Variants in NR5A2 observed in about 807,000 individuals in gnomAD.
NR5A2 encodes CYP7A promoter-binding factor.
Under a neutral mutation model 62.7 loss-of-function variants are expected in NR5A2, and 26 were observed. The ratio of observed to expected loss-of-function variants is 0.41; its 90% CI spans 0.30 to 0.58. NR5A2 has a LOEUF of 0.58. NR5A2 is among the 20% of genes least tolerant of loss of function. NR5A2 has a pLI of 0.22. For synonymous variants in NR5A2, 246 were observed against 241.7 expected, an observed-to-expected ratio of 1.02 and a Z score of -0.16; for missense variants, 541 against 669.1, an observed-to-expected ratio of 0.81 and a Z score of 2.11.
At chr1:200,140,795 C>G (rs929589540) in intron 7 of NR5A2, among the ~76,000 whole-genome samples, 4 of 152,170 alleles carry the variant, frequency 2.6e-5, no homozygotes, top group African/African-American at 9.7e-5. Context: ...CTTTGGGAGG[C>G]CAAGGTGCAT....
At position 200,135,345 on chromosome 1, in the gene NR5A2, A is replaced by AC. The variant is rs200649400; in HGVS notation, c.1378+14394dup. Among the ~76,000 whole-genome samples the AC allele has an allele frequency of 6.8e-3, 1,039 of 152,140 alleles. 47 individuals are homozygous for AC. Among genetic ancestry groups the AC allele is most frequent in the Admixed American group, 0.059 (905 of 15,264 alleles). On this transcript the variant is annotated intron_variant, in intron 7 of 7. Coordinates refer to ENST00000367362, the MANE Select transcript of NR5A2 (RefSeq NM_205860.3). Reference sequence around the variant, plus strand: ...AGACCAGCCTAGCCAACATGGTGAAACCCCGTCTCTACTAAAAATACAAAA... The same window carrying AC: ...AGACCAGCCTAGCCAACATGGTGAAACCCCCGTCTCTACTAAAAATACAAAA...
At chr1:200,083,527 T>A (rs1222668820) in intron 5 of NR5A2, among the ~76,000 whole-genome samples, 1 of 152,226 alleles carries the variant, frequency 6.6e-6, no homozygotes, top group Non-Finnish European at 1.5e-5. Flanking sequence ...GCCTCCTCAT[T>A]GTCATTAGAT....
intron 5 of NR5A2, among the ~76,000 whole-genome samples, chr1:200,050,162 G>A (rs927121426): frequency 1.3e-5 from 2 of 152,192 alleles, no homozygotes; most frequent in African/African-American, 4.8e-5. Context: ...GTTAGGGTTT[G>A]TAACCACTCT....
chr1:200,088,440 AG>A (rs1211105976), intron 5 of NR5A2, among the ~76,000 whole-genome samples: 1 of 151,394 alleles, frequency 6.6e-6, no homozygotes, highest in Non-Finnish European at 1.5e-5. Flanking sequence ...TATTTTTAGT[AG>A]TGACAGGGTT....
At chr1:200,090,794 A>G (rs555793385) in intron 5 of NR5A2, among the ~76,000 whole-genome samples, 32 of 152,136 alleles carry the variant, frequency 2.1e-4, no homozygotes, top group Admixed American at 9.8e-4. Context: ...GACAGCACAG[A>G]TGTCTCTAGG....
intron 5 of NR5A2, among the ~76,000 whole-genome samples, chr1:200,088,028 C>T (rs992317671): frequency 4.6e-5 from 7 of 151,864 alleles, no homozygotes; most frequent in South Asian, 2.1e-4. Flanking sequence ...TGGGATTACA[C>T]GTATGAACCA....
chr1:200,058,604 C>T (rs2102189571), intron 5 of NR5A2, among the ~76,000 whole-genome samples: 1 of 151,818 alleles, frequency 6.6e-6, no homozygotes, highest in East Asian at 2.0e-4. Context: ...CGTCAACCTC[C>T]CGAGTAGCTG....
chr1:200,096,467 G>A (rs1217831836), intron 5 of NR5A2, among the ~76,000 whole-genome samples: 1 of 152,182 alleles, frequency 6.6e-6, no homozygotes, highest in Non-Finnish European at 1.5e-5. Context: ...TGGTATGTAT[G>A]TATGACTGAT....
At chr1:200,152,379 G>A (rs1228226001) in intron 7 of NR5A2, among the ~76,000 whole-genome samples, 1 of 152,090 alleles carries the variant, frequency 6.6e-6, no homozygotes, top group Non-Finnish European at 1.5e-5. Context: ...ATATGTTACT[G>A]TTATGATCCA....
intron 5 of NR5A2, among the ~76,000 whole-genome samples, chr1:200,064,132 G>A (rs988595897): frequency 1.3e-5 from 2 of 150,452 alleles, no homozygotes; most frequent in East Asian, 1.9e-4. Context: ...CTGGGCGACA[G>A]AGCGAGACTC....
intron 4 of NR5A2, among the ~76,000 whole-genome samples, chr1:200,047,950 A>T (rs765637055): frequency 3.3e-5 from 5 of 152,152 alleles, no homozygotes; most frequent in Non-Finnish European, 4.4e-5. Context: ...ATATGTCCCT[A>T]TGTGGCCAAA....
At chr1:200,057,297 T>C (rs1334965483) in intron 5 of NR5A2, among the ~76,000 whole-genome samples, 1 of 152,022 alleles carries the variant, frequency 6.6e-6, no homozygotes, top group Non-Finnish European at 1.5e-5. Context: ...TTTCAGGCCA[T>C]TTTCTAGTTT....
At chr1:200,123,710 AC>A (rs1311210084) in intron 7 of NR5A2, among the ~76,000 whole-genome samples, 1 of 150,828 alleles carries the variant, frequency 6.6e-6, no homozygotes, top group Non-Finnish European at 1.5e-5. Flanking sequence ...AGTGCTAGAA[AC>A]CCTGTTTTCA....
At chr1:200,038,384 G>A (rs908551537) in intron 1 of NR5A2, among the ~76,000 whole-genome samples, 6 of 152,202 alleles carry the variant, frequency 3.9e-5, no homozygotes, top group Non-Finnish European at 2.9e-5. Flanking sequence ...GCAGACTGGG[G>A]AAAGAGGAGT....
intron 7 of NR5A2, among the ~76,000 whole-genome samples, chr1:200,141,039 C>T (rs1232860764): frequency 6.6e-6 from 1 of 152,112 alleles, no homozygotes; most frequent in African/African-American, 2.4e-5. Context: ...TCTAAACAAA[C>T]AAACAAACAA....
chr1:200,158,039 T>C (rs904858031), intron 7 of NR5A2, among the ~76,000 whole-genome samples: 1 of 152,238 alleles, frequency 6.6e-6, no homozygotes, highest in African/African-American at 2.4e-5. Flanking sequence ...TTTTACTGAT[T>C]GTGATGTATT....
intron 2 of NR5A2, among the ~76,000 whole-genome samples, 183 bp from the exon 3 acceptor site, chr1:200,043,591 A>T (rs954697298): frequency 6.6e-6 from 1 of 152,250 alleles, no homozygotes; most frequent in Non-Finnish European, 1.5e-5. Flanking sequence ...GTCCATGCTT[A>T]TTGATGACAA....
chr1:200,035,730 T>C (rs753813554), intron 1 of NR5A2, among the ~76,000 whole-genome samples: 26 of 152,108 alleles, frequency 1.7e-4, no homozygotes, highest in Admixed American at 5.2e-4. Context: ...TCATCCTTCG[T>C]AATTGCAACC....
At chr1:200,118,591 G>C (rs1013435590) in intron 6 of NR5A2, among the ~76,000 whole-genome samples, 2 of 152,148 alleles carry the variant, frequency 1.3e-5, no homozygotes, top group African/African-American at 4.8e-5. Context: ...TCTGGCTTTT[G>C]CCACCACTGT....
Sources: gnomAD v4.1 joint callset for allele counts (sites outside exome capture counted in the v4.1 genomes callset) on GRCh38, gnomAD v4.1.1 for gene constraint, MANE v1.5 for transcripts, NCBI Gene and HGNC (gene_info 2026-07-23, HGNC 2026-07-21) for gene names.